Variants in SERGEF observed in about 807,000 individuals in gnomAD.
SERGEF encodes secretion regulating guanine nucleotide exchange factor, also known as secretion-regulating guanine nucleotide exchange factor.
In SERGEF, 51 loss-of-function variants were observed where a neutral mutation model predicts 50.0. That is an observed-to-expected ratio of 1.02 (90% CI 0.81 to 1.29). SERGEF has a LOEUF of 1.29. Among genes scored for constraint, SERGEF ranks in the 50% most tolerant of loss-of-function variants. The pLI, the probability that SERGEF is intolerant of heterozygous loss-of-function variation, is 0.00. For synonymous variants in SERGEF, 205 were observed against 212.4 expected (o/e 0.97, Z 0.30); for missense variants, 521 against 557.0 (o/e 0.94, Z 0.65).
chr11:17,825,023 T>C (rs1251851447), intron 10 of SERGEF, among the ~76,000 whole-genome samples: 1 of 152,212 alleles, frequency 6.6e-6, no homozygotes, highest in East Asian at 1.9e-4. Flanking sequence ...AGCTTCCACC[T>C]TGATGGCCTT....
At chr11:17,807,587 C>T (rs758503500) in intron 10 of SERGEF, among the ~76,000 whole-genome samples, 7 of 152,252 alleles carry the variant, frequency 4.6e-5, no homozygotes, top group Non-Finnish European at 1.0e-4. Flanking sequence ...TACCACTTCT[C>T]TTGTTTGATG....
chr11:17,998,436 CATACATATATATATATATATATATAT>C (rs1435419517), intron 5 of SERGEF, among the ~76,000 whole-genome samples: 24 of 46,266 alleles, frequency 5.2e-4, no homozygotes, highest in African/African-American at 1.5e-3. Flanking sequence ...TACATACATA[CATACATATATATATATATATATATAT>C]ATATATATAT....
intron 9 of SERGEF, among the ~76,000 whole-genome samples, chr11:17,891,260 C>A (rs923859640): frequency 6.6e-6 from 1 of 152,098 alleles, no homozygotes; most frequent in Admixed American, 6.5e-5. Flanking sequence ...TGTAGAGATG[C>A]AGAATTGGCA....
intron 9 of SERGEF, among the ~76,000 whole-genome samples, chr11:17,917,090 C>T (rs1030703961): frequency 2.0e-5 from 3 of 152,166 alleles, no homozygotes; most frequent in Non-Finnish European, 2.9e-5. Flanking sequence ...AAAAAGAAGT[C>T]ATTATACAAA....
intron 1 of SERGEF, 160 bp downstream of exon 1, chr11:18,012,791 C>A (rs1201122946): frequency 3.4e-6 from 5 of 1,453,470 alleles, no homozygotes; most frequent in African/African-American, 1.4e-5. Flanking sequence ...CCGCCCGCTC[C>A]TCCTCCGCTC....
intron 5 of SERGEF, 60 bp from the exon 6 acceptor site, chr11:17,995,969 C>T: frequency 1.7e-6 from 2 of 1,153,642 alleles, no homozygotes; most frequent in Admixed American, 1.9e-5. Flanking sequence ...GACTAGATTG[C>T]TCTTTGAACC....
chr11:17,945,052 C>T (rs1433908534), intron 9 of SERGEF, among the ~76,000 whole-genome samples: 2 of 152,204 alleles, frequency 1.3e-5, no homozygotes. Context: ...CCTAATTCTA[C>T]TGCTCCAAAA....
At chr11:17,831,285 C>T (rs1224227383) in intron 10 of SERGEF, among the ~76,000 whole-genome samples, 1 of 152,162 alleles carries the variant, frequency 6.6e-6, no homozygotes, top group Admixed American at 6.5e-5. Flanking sequence ...GGGCAAGACC[C>T]CTACACAATT....
intron 10 of SERGEF, among the ~76,000 whole-genome samples, chr11:17,846,299 A>G (rs1247336397): frequency 6.6e-6 from 1 of 152,234 alleles, no homozygotes; most frequent in East Asian, 1.9e-4. Flanking sequence ...AATTTGCCAC[A>G]GCTCTGCAGT....
In SERGEF at chr11:18,012,772, C is replaced by T. The variant is rs1854224103; in HGVS notation, c.60+179G>A. ...CCTAAGTCGACCGCGAAGACCCTTC[C>T]TTCCCCGCCCGCCCGCTCCTCCTCC... On this transcript the variant is annotated intron_variant, in intron 1 of 10. Transcript: ENST00000265965. 8 of 1,406,580 alleles carry T rather than the reference C, an allele frequency of 5.7e-6. No individual in the cohort carries two copies. The South Asian group carries it at 8.8e-5, about 15-fold the overall frequency. The allele number at this position is 1,406,580 out of a possible 1,614,324, so 87.1% of individuals were successfully genotyped here.
intron 10 of SERGEF, among the ~76,000 whole-genome samples, chr11:17,834,309 T>C (rs1176954701): frequency 2.6e-5 from 4 of 152,194 alleles, no homozygotes; most frequent in Non-Finnish European, 5.9e-5. Flanking sequence ...CCTTCCATCA[T>C]GATTGTGAGG....
chr11:17,973,798 T>C (rs1268122394), intron 8 of SERGEF, among the ~76,000 whole-genome samples: 1 of 152,114 alleles, frequency 6.6e-6, no homozygotes, highest in Non-Finnish European at 1.5e-5. Context: ...GCGGTGGACA[T>C]GGTCAGGAAG....
chr11:17,992,728 C>A lies in SERGEF; in HGVS notation c.685+203G>T, dbSNP rs767109109. On this transcript the variant is annotated intron_variant, in intron 7 of 10. Coordinates refer to ENST00000265965, the MANE Select transcript of SERGEF (RefSeq NM_012139.4). ...ATTTATATGTATTATATTTAATTCT[C>A]GTAACTGCCCACAAAGTCTTTTACA... Among the ~76,000 whole-genome samples the A allele has an allele frequency of 2.0e-5, 3 of 152,144 alleles. No individual in the cohort carries two copies. The South Asian group carries it at 6.2e-4, about 32-fold the overall frequency.
chr11:17,842,667 A>T (rs1404921727), intron 10 of SERGEF, among the ~76,000 whole-genome samples: 4 of 152,202 alleles, frequency 2.6e-5, no homozygotes, highest in Non-Finnish European at 5.9e-5. Context: ...AAAATGAGCT[A>T]ATAATAACCA....
intron 10 of SERGEF, among the ~76,000 whole-genome samples, chr11:17,871,204 C>G (rs1190618174): frequency 6.6e-6 from 1 of 152,014 alleles, no homozygotes; most frequent in African/African-American, 2.4e-5. Flanking sequence ...AACTATTCAT[C>G]AAAAGACACG....
At chr11:18,010,533 A>G (rs926649772) in intron 1 of SERGEF, among the ~76,000 whole-genome samples, 1 of 152,214 alleles carries the variant, frequency 6.6e-6, no homozygotes, top group African/African-American at 2.4e-5. Flanking sequence ...TAGAAAAAAT[A>G]AAAAAAGGAC....
chr11:17,881,530 T>C (rs540400184), intron 9 of SERGEF, among the ~76,000 whole-genome samples: 5 of 152,334 alleles, frequency 3.3e-5, no homozygotes, highest in Non-Finnish European at 5.9e-5. Context: ...TGCTTCATAA[T>C]GCTCCTGTCA....
At chr11:17,902,534 G>C (rs1422788598) in intron 9 of SERGEF, among the ~76,000 whole-genome samples, 1 of 152,182 alleles carries the variant, frequency 6.6e-6, no homozygotes, top group Non-Finnish European at 1.5e-5. Context: ...AGAACCCCAA[G>C]CCTCGGTAAC....
intron 9 of SERGEF, among the ~76,000 whole-genome samples, chr11:17,903,668 C>T (rs546389198): frequency 6.6e-6 from 1 of 152,264 alleles, no homozygotes; most frequent in African/African-American, 2.4e-5. Context: ...AGCTTATTTG[C>T]AATTGTTCAG....
Sources: allele counts gnomAD v4.1 joint callset (sites outside exome capture counted in the v4.1 genomes callset), GRCh38; gene constraint gnomAD v4.1.1; transcripts MANE v1.5; gene names NCBI Gene and HGNC (gene_info 2026-07-23, HGNC 2026-07-21).